The following UQCRC1 variants were observed in gnomAD, a reference collection of about 807,000 sequenced individuals.
The protein encoded by UQCRC1 is ubiquinol-cytochrome c reductase core protein 1, also known as cytochrome b-c1 complex subunit 1, mitochondrial.
A neutral mutation model predicts 58.0 loss-of-function variants in UQCRC1; 34 were observed. The observed-to-expected ratio is 0.59, with a 90% CI of 0.45 to 0.78. UQCRC1 has a LOEUF of 0.78. UQCRC1 is among the 30% of genes least tolerant of loss of function. UQCRC1 has a pLI of 0.00. For missense variants in UQCRC1, 610 were observed against 646.0 expected (o/e 0.94, Z 0.60); for synonymous variants, 276 against 248.8 (o/e 1.11, Z -1.03).
rs550974075 is a variant in UQCRC1, at chr3:48,608,042, G to C, written c.210+1120C>G. Among the ~76,000 whole-genome samples the C allele has an allele frequency of 1.2e-4, 18 of 152,176 alleles. No individual in the cohort carries two copies. The South Asian group carries it at 1.7e-3, about 14-fold the overall frequency. On this transcript the variant is annotated intron_variant, in intron 2 of 12. Transcript: ENST00000203407. The stretch of plus-strand genomic sequence containing the variant: ...TCACTATGTTTGCCAGGCTGGTCTT[G>C]AACTCCTGGCCTCAGCTGATCCGCC...
chr3:48,605,671 A>G, intron 3 of UQCRC1, 99 bp downstream of exon 3: 1 of 1,211,952 alleles, frequency 8.3e-7, no homozygotes, highest in Non-Finnish European at 1.2e-6. Context: ...TCAGCCCCGC[A>G]ACTGAGGCCC....
At chr3:48,603,473 A>G in intron 6 of UQCRC1, 91 bp downstream of exon 6, 1 of 1,311,590 alleles carries the variant, frequency 7.6e-7, no homozygotes, top group Non-Finnish European at 1.1e-6. Flanking sequence ...CCCTGGGGTG[A>G]AAGGTCCCCT....
chr3:48,601,145 G>A (rs776992030), intron 7 of UQCRC1, 27 bp from the exon 8 acceptor site: 1 of 1,582,828 alleles, frequency 6.3e-7, no homozygotes, highest in South Asian at 1.1e-5. Flanking sequence ...CAAGGCTGAG[G>A]AACAGCCAGA....
intron 5 of UQCRC1, chr3:48,604,025 A>G (rs2046389323): frequency 1.6e-6 from 1 of 621,766 alleles, no homozygotes; most frequent in Non-Finnish European, 2.8e-6. Flanking sequence ...GCACCAAAAC[A>G]TACCTTAAAA....
At position 48,607,716 on chromosome 3, in the gene UQCRC1, G is replaced by A. The variant is rs149453463; in HGVS notation, c.210+1446C>T. On this transcript the variant is annotated intron_variant, in intron 2 of 12. Transcript: ENST00000203407. ...TGGAATTACTGGTGTAAGCCACTGT[G>A]CCCCGCCCACAAGTGTGATGTCATT... Among the ~76,000 whole-genome samples the A allele has an allele frequency of 3.3e-3, 500 of 152,158 alleles. 2 individuals carry two copies. The highest frequency in any genetic ancestry group is 0.012 in the African/African-American group (479 of 41,502).
At chr3:48,604,073 A>G (rs1317642639) in intron 5 of UQCRC1, 160 bp downstream of exon 5, 15 of 773,026 alleles carry the variant, frequency 1.9e-5, no homozygotes, top group Non-Finnish European at 2.7e-5. Context: ...CAAAGCCATT[A>G]AAAAAGACTC....
Position 48,600,143 on chromosome 3 carries a change from G to T in UQCRC1, c.1222C>A (p.Pro408Thr), listed in dbSNP as rs1050755327. 6 of 1,613,962 alleles carry T rather than the reference G, an allele frequency of 3.7e-6. No individual in the cohort carries two copies. The African/African-American group carries it at 8.0e-5, about 22-fold the overall frequency. ...ALVSHLDGTT[P>T]VCEDIGRSLL... Reference sequence around the variant, plus strand: ...CTGCGTCCGATGTCCTCACACACAGGAGTAGTGCCTTTAAGGGTGAGAGAA... The same window carrying T: ...CTGCGTCCGATGTCCTCACACACAGTAGTAGTGCCTTTAAGGGTGAGAGAA... Residue 408 changes from proline to threonine, a missense_variant, in exon 11 of 13, where the codon CCT (proline) becomes ACT (threonine). Coordinates refer to ENST00000203407, the MANE Select transcript of UQCRC1 (RefSeq NM_003365.3).
At chr3:48,601,785 C>A (rs967586841) in intron 6 of UQCRC1, among the ~76,000 whole-genome samples, 2 of 152,200 alleles carry the variant, frequency 1.3e-5, no homozygotes, top group African/African-American at 4.8e-5. Flanking sequence ...ACATCAAGGA[C>A]AAGACTGGTA....
Position 48,609,580 on chromosome 3 carries a change from G to A in UQCRC1, c.41C>T (p.Ala14Val), listed in dbSNP as rs2046446599. 1.3e-6 allele frequency: 2 copies of A among 1,571,330 alleles called. No individual in the cohort carries two copies. Among genetic ancestry groups the A allele is most frequent in the Non-Finnish European group, 1.7e-6 (2 of 1,163,474 alleles). The change falls in exon 1 of 13, where the codon GCA becomes GTA. Residue 14 changes from alanine to valine, a missense_variant. By Grantham distance (64) the Ala-to-Val change is moderately conservative (BLOSUM62 0). Coordinates refer to ENST00000203407, the MANE Select transcript of UQCRC1 (RefSeq NM_003365.3). Reference protein sequence around the residue: ...SVVCRAATAGAQVLLRARRSP... With the variant: ...SVVCRAATAGVQVLLRARRSP... ...GCGGCGGGCGCGCAATAGCACTTGT[G>A]CCCCGGCGGTAGCGGCCCGACAGAC...
At chr3:48,600,241 G>T in intron 10 of UQCRC1, 90 bp from the exon 11 acceptor site, 1 of 1,365,812 alleles carries the variant, frequency 7.3e-7, no homozygotes. Flanking sequence ...GGTTGACAAG[G>T]ACCTCCCTGA....
chr3:48,609,341 G>C (rs773190792), intron 1 of UQCRC1, 39 bp from the exon 2 acceptor site: 4 of 1,582,836 alleles, frequency 2.5e-6, no homozygotes, highest in African/African-American at 2.7e-5. Flanking sequence ...ACTCGGTCAG[G>C]GGATCGCTCC....
At chr3:48,606,892 T>C (rs2046418034) in intron 2 of UQCRC1, among the ~76,000 whole-genome samples, 1 of 151,852 alleles carries the variant, frequency 6.6e-6, no homozygotes, top group South Asian at 2.1e-4. Context: ...ACATGGAGTC[T>C]CACTCTGTCA....
chr3:48,607,672 C>T (rs2046426636), intron 2 of UQCRC1, among the ~76,000 whole-genome samples: 1 of 151,764 alleles, frequency 6.6e-6, no homozygotes, highest in Non-Finnish European at 1.5e-5. Flanking sequence ...GATCCTCCTG[C>T]TTTGGCCTCT....
intron 5 of UQCRC1, 33 bp from the exon 6 acceptor site, chr3:48,603,676 C>T: frequency 6.3e-7 from 1 of 1,595,460 alleles, no homozygotes; most frequent in Non-Finnish European, 8.6e-7. Context: ...GTCAACACCT[C>T]TACCACACTG....
chr3:48,604,650 C>G lies in UQCRC1; in HGVS notation c.427+1G>C. On this transcript the variant is annotated splice_donor_variant, in intron 4 of 12. Transcript: ENST00000203407. LOFTEE classifies it high-confidence loss of function. Reference sequence around the variant, plus strand: ...TCCCCGCCTCTTCCTCCAGGTGTTACCTTTCGGCAGATCCTTGGACAGCGC... The same window carrying G: ...TCCCCGCCTCTTCCTCCAGGTGTTAGCTTTCGGCAGATCCTTGGACAGCGC... 1 of 1,614,194 alleles carries G rather than the reference C, an allele frequency of 6.2e-7. No individual in the cohort carries two copies. Among genetic ancestry groups the G allele is most frequent in the Non-Finnish European group, 8.5e-7 (1 of 1,180,030 alleles).
At position 48,599,651 on chromosome 3, in the gene UQCRC1, T is replaced by C. The variant is rs200839803; in HGVS notation, c.1362A>G (p.Pro454=). 6.2e-7 allele frequency: 1 copy of C among 1,613,956 alleles called. No individual in the cohort carries two copies. Among genetic ancestry groups the C allele is most frequent in the East Asian group, 2.2e-5 (1 of 44,880 alleles). The change falls in exon 12 of 13, where the codon CCA becomes CCG. Residue 454 remains proline (P), a synonymous_variant. Transcript: ENST00000203407. ...GCCACTTACCATATCCAGCCACTGC[T>C]GGGCACTGGTCATAGATGTACTTGG... ...ICSKYIYDQC[P]AVAGYGPIEQ... is the part of the protein sequence containing the mutation.
rs9166 is a variant in UQCRC1 at position 48,599,074 on chromosome 3, G to A, written c.*54C>T. On this transcript the variant is annotated 3_prime_UTR_variant, in exon 13 of 13. Coordinates refer to ENST00000203407, the MANE Select transcript of UQCRC1 (RefSeq NM_003365.3). ...GGAGCCGAAGTGCTGTGTTTGTGGTGGGGGGGGGACCACAAACCCCGGCCC... is the reference window on the plus strand; with the variant it reads ...GGAGCCGAAGTGCTGTGTTTGTGGTAGGGGGGGGACCACAAACCCCGGCCC... The A allele has an allele frequency of 2.3e-5, 32 of 1,387,770 alleles. No homozygotes were observed. The highest frequency in any genetic ancestry group is 1.3e-4 in the African/African-American group (9 of 68,316). 86.0% of individuals were successfully genotyped at this position (1,387,770 alleles called of 1,614,324 possible). A position where few individuals can be genotyped will look rare whatever the true frequency, so the allele number is the denominator to read the frequency against.
chr3:48,603,749 T>G (rs1029088214), intron 5 of UQCRC1, 106 bp from the exon 6 acceptor site: 68 of 1,073,098 alleles, frequency 6.3e-5, no homozygotes, highest in South Asian at 5.3e-4. Flanking sequence ...GCATGGTTTC[T>G]CCGAAGAGTG....
Position 48,604,391 on chromosome 3 carries a change from C to T in UQCRC1, c.468G>A (p.Leu156=). The T allele has an allele frequency of 6.2e-7, 1 of 1,614,192 alleles. No individual in the cohort carries two copies. Among genetic ancestry groups the T allele is most frequent in the Admixed American group, 1.7e-5 (1 of 60,026 alleles). The part of the protein sequence containing the change: ...LLGDIVQNCS[L]EDSQIEKERD... ...GTTCCTTCTCAATCTGTGAGTCTTC[C>T]AGACTACAGTTCTGCACAATGTCAC... Residue 156 remains leucine, a synonymous_variant, in exon 5 of 13, where the codon CTG becomes CTA. Coordinates refer to ENST00000203407, the MANE Select transcript of UQCRC1 (RefSeq NM_003365.3).
Sources: allele counts gnomAD v4.1 joint callset (sites outside exome capture counted in the v4.1 genomes callset), GRCh38; gene constraint gnomAD v4.1.1; transcripts MANE v1.5; gene names NCBI Gene and HGNC (gene_info 2026-07-23, HGNC 2026-07-21).